The following SGCZ variants were observed in gnomAD, a reference collection of about 807,000 sequenced individuals.
The protein encoded by SGCZ is zeta-sarcoglycan.
Under a neutral mutation model 41.3 loss-of-function variants are expected in SGCZ, and 40 were observed. The ratio of observed to expected loss-of-function variants is 0.97; its 90% CI spans 0.75 to 1.26. The LOEUF is 1.26. Ranked by LOEUF, SGCZ falls within the 50% of genes most tolerant of loss-of-function variation. SGCZ has a pLI of 0.00. For synonymous variants in SGCZ, 206 were observed against 137.5 expected, an observed-to-expected ratio of 1.50 and a Z score of -3.49; for missense variants, 552 against 369.8, an observed-to-expected ratio of 1.49 and a Z score of -4.04.
At chr8:14,881,016 AAG>A (rs1283780845) in intron 1 of SGCZ, among the ~76,000 whole-genome samples, 1 of 152,098 alleles carries the variant, frequency 6.6e-6, no homozygotes, top group Non-Finnish European at 1.5e-5. Context: ...AACACAGAGA[AAG>A]AGTCTTAGTT....
chr8:14,421,192 AT>A (rs555757154), intron 2 of SGCZ, among the ~76,000 whole-genome samples: 48 of 152,236 alleles, frequency 3.2e-4, no homozygotes, highest in Non-Finnish European at 6.2e-4. Flanking sequence ...ATGGAATTGT[AT>A]CATAAATACC....
intron 1 of SGCZ, among the ~76,000 whole-genome samples, chr8:15,090,289 A>T (rs561963558): frequency 6.6e-6 from 1 of 152,224 alleles, no homozygotes; most frequent in African/African-American, 2.4e-5. Context: ...TATTTTGGCC[A>T]AACCATACTG....
At chr8:15,192,744 T>C (rs1800582577) in intron 1 of SGCZ, among the ~76,000 whole-genome samples, 1 of 152,102 alleles carries the variant, frequency 6.6e-6, no homozygotes. Flanking sequence ...TGAAGTCTTC[T>C]GCCCCATTGC....
intron 1 of SGCZ, among the ~76,000 whole-genome samples, chr8:15,211,132 T>C (rs1801225101): frequency 6.6e-6 from 1 of 151,622 alleles, no homozygotes; most frequent in Non-Finnish European, 1.5e-5. Context: ...TATCTATACC[T>C]ACACAGATAT....
chr8:15,108,133 A>G (rs1459153730), intron 1 of SGCZ, among the ~76,000 whole-genome samples: 12 of 152,124 alleles, frequency 7.9e-5, no homozygotes, highest in Non-Finnish European at 1.3e-4. Context: ...TATTATTTTT[A>G]TCTTGATTAA....
At chr8:14,925,737 T>C (rs1226666928) in intron 1 of SGCZ, among the ~76,000 whole-genome samples, 1 of 152,204 alleles carries the variant, frequency 6.6e-6, no homozygotes, top group Non-Finnish European at 1.5e-5. Context: ...TTGATCTGGC[T>C]TCACTTTTTC....
chr8:14,818,959 A>G (rs1280131133), intron 1 of SGCZ, among the ~76,000 whole-genome samples: 1 of 152,114 alleles, frequency 6.6e-6, no homozygotes, highest in African/African-American at 2.4e-5. Flanking sequence ...TGTAGAAGAG[A>G]TAGAAAAAAG....
chr8:15,225,866 G>A (rs887888755), intron 1 of SGCZ, among the ~76,000 whole-genome samples: 10 of 152,066 alleles, frequency 6.6e-5, no homozygotes, highest in African/African-American at 2.2e-4. Flanking sequence ...ATTTTCTTAC[G>A]AAATACCTCA....
intron 2 of SGCZ, among the ~76,000 whole-genome samples, chr8:14,551,508 T>TATATATAAA (rs1803831074): frequency 2.1e-4 from 1 of 4,808 alleles, no homozygotes; most frequent in Non-Finnish European, 3.3e-4. Context: ...TTATATATAT[T>TATATATAAA]ATATATATTA....
intron 1 of SGCZ, among the ~76,000 whole-genome samples, chr8:14,773,210 G>T (rs1275448034): frequency 6.6e-6 from 1 of 152,048 alleles, no homozygotes; most frequent in Non-Finnish European, 1.5e-5. Context: ...GTGTCTTTTG[G>T]CTGCATAAAT....
At chr8:14,849,322 C>A (rs897584762) in intron 1 of SGCZ, among the ~76,000 whole-genome samples, 2 of 152,004 alleles carry the variant, frequency 1.3e-5, no homozygotes, top group African/African-American at 4.8e-5. Flanking sequence ...AACCATTCCA[C>A]TCCCAGATAT....
chr8:14,675,142 G>T (rs375854852), intron 1 of SGCZ, among the ~76,000 whole-genome samples: 2 of 151,006 alleles, frequency 1.3e-5, no homozygotes, highest in African/African-American at 4.9e-5. Flanking sequence ...GGCTTTCACC[G>T]TGTTAGTCAG....
intron 3 of SGCZ, among the ~76,000 whole-genome samples, chr8:14,298,445 A>C (rs765583259): frequency 2.6e-5 from 4 of 152,028 alleles, no homozygotes; most frequent in African/African-American, 9.6e-5. Flanking sequence ...AAAATTTTAC[A>C]TAATTCCCAA....
At chr8:14,848,281 T>TC (rs1389402421) in intron 1 of SGCZ, among the ~76,000 whole-genome samples, 11 of 152,150 alleles carry the variant, frequency 7.2e-5, no homozygotes, top group Admixed American at 4.6e-4. Flanking sequence ...ATATAAATTC[T>TC]CCCCAAATGG....
chr8:14,299,023 C>A (rs1290252110), intron 3 of SGCZ, among the ~76,000 whole-genome samples: 1 of 151,872 alleles, frequency 6.6e-6, no homozygotes, highest in African/African-American at 2.4e-5. Flanking sequence ...GAACCGAATC[C>A]AGAAAAAGAC....
chr8:14,240,343 A>AT (rs1563205550), intron 3 of SGCZ, among the ~76,000 whole-genome samples: 107 of 150,964 alleles, frequency 7.1e-4, no homozygotes, highest in African/African-American at 2.5e-3. Context: ...AAAAAAAAAA[A>AT]AAAAAAAAAA....
At chr8:14,416,175 C>T (rs201611488) in intron 2 of SGCZ, among the ~76,000 whole-genome samples, 1 of 151,860 alleles carries the variant, frequency 6.6e-6, no homozygotes, top group East Asian at 1.9e-4. Flanking sequence ...CACACACTCA[C>T]ACACACTTTT....
Position 14,638,089 on chromosome 8 carries a change from T to C in SGCZ, c.40-83163A>G, listed in dbSNP as rs1026422596. On this transcript the variant is annotated intron_variant, in intron 1 of 7. Coordinates refer to ENST00000382080, the MANE Select transcript of SGCZ (RefSeq NM_139167.4). ...CAGTGACGTTGAGCATTTTTTCATATGTATGTGGGATGTTTGGATGTCTTC... is the reference window on the plus strand; with the variant it reads ...CAGTGACGTTGAGCATTTTTTCATACGTATGTGGGATGTTTGGATGTCTTC... Among the ~76,000 whole-genome samples the C allele has an allele frequency of 8.6e-5, 13 of 151,916 alleles. 1 individual carries two copies. Among genetic ancestry groups the C allele is most frequent in the African/African-American group, 1.9e-4 (8 of 41,412 alleles).
intron 2 of SGCZ, among the ~76,000 whole-genome samples, chr8:14,456,168 G>T (rs1319300204): frequency 1.3e-5 from 2 of 152,116 alleles, no homozygotes; most frequent in Non-Finnish European, 2.9e-5. Context: ...CAGGACTTTG[G>T]GAAGCTGAGG....
Sources: allele counts gnomAD v4.1 joint callset (sites outside exome capture counted in the v4.1 genomes callset), GRCh38; gene constraint gnomAD v4.1.1; transcripts MANE v1.5; gene names NCBI Gene and HGNC (gene_info 2026-07-23, HGNC 2026-07-21).